Variants in PCDHGA6 observed in about 807,000 individuals in gnomAD.
PCDHGA6 encodes the protein protocadherin gamma subfamily A, 6.
Under a neutral mutation model 60.6 loss-of-function variants are expected in PCDHGA6, and 41 were observed. The ratio of observed to expected loss-of-function variants is 0.68; its 90% CI spans 0.53 to 0.88. The LOEUF (loss-of-function observed/expected upper bound fraction) is 0.88, where lower values mean the gene tolerates loss of function less well. PCDHGA6 is among the 40% of genes least tolerant of loss of function. The pLI, the probability that PCDHGA6 is intolerant of heterozygous loss-of-function variation, is 0.00. For missense variants in PCDHGA6, 1,312 were observed against 1,203.0 expected (o/e 1.09, Z -1.34); for synonymous variants, 594 against 524.4 (o/e 1.13, Z -1.81).
chr5:141,412,385 A>G (rs1041538045), intron 1 of PCDHGA6: 8 of 152,236 alleles, frequency 5.3e-5, no homozygotes, highest in African/African-American at 1.9e-4. Flanking sequence ...AAATAGGTCC[A>G]TTTAACTTGT....
chr5:141,402,789 T>C (rs1047869740), intron 1 of PCDHGA6: 2 of 952,520 alleles, frequency 2.1e-6, no homozygotes, highest in South Asian at 4.2e-5. Context: ...GTTCTGCGGC[T>C]ACACAAAACC....
intron 1 of PCDHGA6, chr5:141,384,711 G>T (rs765373675): frequency 2.5e-6 from 4 of 1,614,160 alleles, no homozygotes; most frequent in Non-Finnish European, 3.4e-6. Flanking sequence ...ACGCCTGGCT[G>T]TCATACCTCC....
At chr5:141,388,487 C>T in intron 1 of PCDHGA6, 1 of 1,613,776 alleles carries the variant, frequency 6.2e-7, no homozygotes, top group Non-Finnish European at 8.5e-7. Flanking sequence ...CACCTTTGGA[C>T]AGAGAAAAGC....
Position 141,491,034 on chromosome 5 carries a change from T to C in PCDHGA6, c.2425-3773T>C, listed in dbSNP as rs375902824. On this transcript the variant is annotated intron_variant, in intron 1 of 3. Coordinates refer to ENST00000517434, the MANE Select transcript of PCDHGA6 (RefSeq NM_018919.3). The surrounding 1 kb of genome is among the most constrained non-coding windows in gnomAD (Gnocchi z 6.9). The stretch of plus-strand genomic sequence containing the variant: ...CCAAGGTGACAGCCGTGGATGCTGA[T>C]GCAGGCCACAATGCGTGGCTCTCCT... 19 of 1,614,170 alleles carry C rather than the reference T, an allele frequency of 1.2e-5. No homozygotes were observed. Among genetic ancestry groups the C allele is most frequent in the East Asian group, 4.5e-5 (2 of 44,894 alleles).
chr5:141,485,060 G>C lies in PCDHGA6; in HGVS notation c.2425-9747G>C. ...ACCCTTGCGGCGCCGGCCGAACCGCGCCAGAGCTGGCGCGGGGAAAGGGAG... is the reference window on the plus strand; with the variant it reads ...ACCCTTGCGGCGCCGGCCGAACCGCCCCAGAGCTGGCGCGGGGAAAGGGAG... On this transcript the variant is annotated intron_variant, in intron 1 of 3. Transcript: ENST00000517434. This position sits in a 1 kb window ranked among gnomAD's most constrained non-coding sequence, Gnocchi z 5.7. 1 of 862,304 alleles carries C rather than the reference G, an allele frequency of 1.2e-6. No individual in the cohort carries two copies. The highest frequency in any genetic ancestry group is 1.9e-6 in the Non-Finnish European group (1 of 540,422). 53.4% of individuals were successfully genotyped at this position (862,304 alleles called of 1,614,324 possible).
At chr5:141,417,068 T>C (rs1433034146) in intron 1 of PCDHGA6, 1 of 152,154 alleles carries the variant, frequency 6.6e-6, no homozygotes, top group African/African-American at 2.4e-5. Context: ...ATTGTAGCTA[T>C]TGTGAGAAAA....
intron 1 of PCDHGA6, chr5:141,376,853 A>C (rs188570810): frequency 0.022 from 4,983 of 229,694 alleles, 85 homozygotes; most frequent in East Asian, 0.036. Flanking sequence ...CGCCCGGCTA[A>C]TTTTTTTGTA....
chr5:141,427,805 A>G lies in PCDHGA6; in HGVS notation c.2424+51298A>G, dbSNP rs1010656936. The G allele has an allele frequency of 3.3e-6, 5 of 1,520,154 alleles. No homozygotes were observed. In the African/African-American group the frequency reaches 4.1e-5, roughly 12 times the overall value. 94.2% of individuals were successfully genotyped at this position (1,520,154 alleles called of 1,614,324 possible). ...TGTCGTCCTACGTGTCCGTGAGCGC[A>G]CAGAGCGGGGTGGTGGTCGCGCAGC... On this transcript the variant is annotated intron_variant, in intron 1 of 3. Coordinates refer to ENST00000517434, the MANE Select transcript of PCDHGA6 (RefSeq NM_018919.3).
chr5:141,414,443 A>G (rs1413718059), intron 1 of PCDHGA6: 1 of 1,613,892 alleles, frequency 6.2e-7, no homozygotes, highest in Non-Finnish European at 8.5e-7. Flanking sequence ...TCCTCTTACA[A>G]TATCACAGTG....
Position 141,489,662 on chromosome 5 carries a change from G to T in PCDHGA6, c.2425-5145G>T, listed in dbSNP as rs2233601. On this transcript the variant is annotated intron_variant, in intron 1 of 3. Transcript: ENST00000517434. The surrounding 1 kb of genome is among the most constrained non-coding windows in gnomAD (Gnocchi z 4.5). Reference sequence around the variant, plus strand: ...TTTGCCACCCCTGAGCGAGAGATGCGCATCTCAGAATCAGCAGCATCTGGG... The same window carrying T: ...TTTGCCACCCCTGAGCGAGAGATGCTCATCTCAGAATCAGCAGCATCTGGG... 2.5e-6 allele frequency: 4 copies of T among 1,614,024 alleles called. No homozygotes were observed. The African/African-American group carries it at 4.0e-5, about 16-fold the overall frequency.
Position 141,385,647 on chromosome 5 carries a change from A to C in PCDHGA6, c.2424+9140A>C, listed in dbSNP as rs541754761. On this transcript the variant is annotated intron_variant, in intron 1 of 3. Transcript: ENST00000517434. The stretch of plus-strand genomic sequence containing the variant: ...GAATGAATCGAGTCTTTCATATTGC[A>C]CAAGGTTAGCAGGAATAAAACACAC... The C allele has an allele frequency of 2.2e-5, 16 of 727,638 alleles. No homozygotes were observed. The African/African-American group carries it at 2.4e-4, about 11-fold the overall frequency. 45.1% of individuals were successfully genotyped at this position (727,638 alleles called of 1,614,324 possible).
intron 1 of PCDHGA6, among the ~76,000 whole-genome samples, chr5:141,438,587 CATACATAT>C (rs1166583123): frequency 1.2e-4 from 9 of 73,430 alleles, no homozygotes; most frequent in Non-Finnish European, 1.6e-4. Flanking sequence ...TACATACATA[CATACATAT>C]ATATATATAT....
chr5:141,446,633 C>T (rs2098509543), intron 1 of PCDHGA6, among the ~76,000 whole-genome samples: 4 of 152,208 alleles, frequency 2.6e-5, no homozygotes, highest in East Asian at 1.9e-4. Flanking sequence ...TGCACCACCA[C>T]GCCTGGCTAA....
chr5:141,460,741 A>C (rs1378900827), intron 1 of PCDHGA6, among the ~76,000 whole-genome samples: 1 of 152,128 alleles, frequency 6.6e-6, no homozygotes, highest in African/African-American at 2.4e-5. Flanking sequence ...CACATTGTAT[A>C]TATATGTGTA....
chr5:141,380,978 A>C (rs1244318995), intron 1 of PCDHGA6, among the ~76,000 whole-genome samples: 1 of 152,254 alleles, frequency 6.6e-6, no homozygotes, highest in Non-Finnish European at 1.5e-5. Context: ...AAACAAATAG[A>C]ATTTAACTCC....
chr5:141,393,446 C>A (rs572838831), intron 1 of PCDHGA6: 1 of 1,614,038 alleles, frequency 6.2e-7, no homozygotes, highest in East Asian at 2.2e-5. Flanking sequence ...ACCACCTGGT[C>A]CTCACGGCCT....
chr5:141,489,867 G>C lies in PCDHGA6; in HGVS notation c.2425-4940G>C. ...ATCGTGAAGCCCAGGCAAGACATCA[G>C]CTGGTGCTTACTGCTGTGGATGGGG... On this transcript the variant is annotated intron_variant, in intron 1 of 3. Transcript: ENST00000517434. This position sits in a 1 kb window ranked among gnomAD's most constrained non-coding sequence, Gnocchi z 4.5. 1 of 1,614,240 alleles carries C rather than the reference G, an allele frequency of 6.2e-7. No individual in the cohort carries two copies. Among genetic ancestry groups the C allele is most frequent in the Non-Finnish European group, 8.5e-7 (1 of 1,180,034 alleles).
chr5:141,418,635 C>G, intron 1 of PCDHGA6: 1 of 1,614,018 alleles, frequency 6.2e-7, no homozygotes. Flanking sequence ...CCTCCAGGCA[C>G]CTCCATCCTG....
chr5:141,387,718 T>G, intron 1 of PCDHGA6: 1 of 1,099,216 alleles, frequency 9.1e-7, no homozygotes, highest in South Asian at 1.7e-5. Context: ...CAGCTCAGAC[T>G]CCCCAGCGCC....
Sources: gnomAD v4.1 joint callset for allele counts (sites outside exome capture counted in the v4.1 genomes callset) on GRCh38, gnomAD v4.1.1 for gene constraint, Gnocchi (gnomAD v3.1) non-coding constraint, MANE v1.5 for transcripts, NCBI Gene and HGNC (gene_info 2026-07-23, HGNC 2026-07-21) for gene names.